The following KCNT1 variants were observed in gnomAD, a reference collection of about 807,000 sequenced individuals.
KCNT1 encodes potassium sodium-activated channel subfamily T member 1.
KCNT1 carries 78 observed loss-of-function variants against 147.8 expected under a neutral mutation model. The observed-to-expected ratio is 0.53, with a 90% CI of 0.44 to 0.64. The LOEUF is 0.64. KCNT1 is among the 30% of genes least tolerant of loss of function. The pLI is 0.00. For synonymous variants in KCNT1, 867 were observed against 748.8 expected, an observed-to-expected ratio of 1.16 and a Z score of -2.58; for missense variants, 1,419 against 1,750.3, an observed-to-expected ratio of 0.81 and a Z score of 3.38.
chr9:135,788,216 T>C, intron 29 of KCNT1: 1 of 1,443,524 alleles, frequency 6.9e-7, no homozygotes, highest in Non-Finnish European at 9.7e-7. Context: ...CGCCAACCCT[T>C]CACCGCCGGC....
At position 135,752,261 on chromosome 9, in the gene KCNT1, T is replaced by C; in HGVS notation, c.434+1220T>C. 2.3e-6 allele frequency: 1 copy of C among 429,908 alleles called. No homozygotes were observed. The allele number at this position is 429,908 out of a possible 1,614,324, so 26.6% of individuals were successfully genotyped here. On this transcript the variant is annotated intron_variant, in intron 4 of 30. Transcript: ENST00000371757. This position sits in a 1 kb window ranked among gnomAD's most constrained non-coding sequence, Gnocchi z 5.1. ...CCTGGCTTCTGGGGACCTAAAGGCG[T>C]CCATGTAAACTTTTGCTCAATCCCC...
intron 29 of KCNT1, among the ~76,000 whole-genome samples, chr9:135,786,730 C>T (rs1834084053): frequency 6.6e-6 from 1 of 152,250 alleles, no homozygotes; most frequent in African/African-American, 2.4e-5. Context: ...AGGCCCCGTG[C>T]AGAGGAGGGA....
chr9:135,757,393 C>CG lies in KCNT1; in HGVS notation c.759+18dup, dbSNP rs758922969. 2 of 1,603,426 alleles carry CG rather than the reference C, an allele frequency of 1.2e-6. No individual in the cohort carries two copies. Among genetic ancestry groups the CG allele is most frequent in the Non-Finnish European group, 1.7e-6 (2 of 1,178,226 alleles). On this transcript the variant is annotated intron_variant, in intron 9 of 30. Transcript: ENST00000371757. ...TGGAAAACATGATTGTAAGCCGGGG[C>CG]GGGGGGTGCAGCTGGGACTTGGGGG... is the stretch of plus-strand genomic sequence containing the variant.
At chr9:135,748,195 A>C (rs974268003) in intron 2 of KCNT1, among the ~76,000 whole-genome samples, 4 of 151,934 alleles carry the variant, frequency 2.6e-5, no homozygotes, top group Non-Finnish European at 5.9e-5. Flanking sequence ...CTGCCTCCCA[A>C]GTTCCTGGGA....
chr9:135,704,629 G>A (rs1015939823), intron 1 of KCNT1, among the ~76,000 whole-genome samples: 3 of 152,162 alleles, frequency 2.0e-5, no homozygotes, highest in East Asian at 1.9e-4. Flanking sequence ...AGCGCACTTC[G>A]CATCAGAGCC....
intron 2 of KCNT1, among the ~76,000 whole-genome samples, chr9:135,732,026 A>AGAGG (rs1554766192): frequency 1.5e-5 from 2 of 131,742 alleles, no homozygotes; most frequent in East Asian, 2.3e-4. Context: ...AGAGAGAGAG[A>AGAGG]GAGAGAGAGA....
rs142114198 is a variant in KCNT1 at position 135,783,988 on chromosome 9, G to A, written c.2842-36G>A. ...GCTGCCGTGCCACTGGAGGGACCTCGGCACCAGCCCATCTGAGGCCCCTCC... is the reference window on the plus strand; with the variant it reads ...GCTGCCGTGCCACTGGAGGGACCTCAGCACCAGCCCATCTGAGGCCCCTCC... On this transcript the variant is annotated intron_variant, in intron 24 of 30. Coordinates refer to ENST00000371757, the MANE Select transcript of KCNT1 (RefSeq NM_020822.3). 7.4e-4 allele frequency: 1,154 copies of A among 1,561,854 alleles called. 10 individuals are homozygous for A. In the African/African-American group the frequency reaches 0.013, roughly 17 times the overall value.
Position 135,757,204 on chromosome 9 carries a change from A to G in KCNT1, c.649A>G (p.Ile217Val), listed in dbSNP as rs774916717. The G allele has an allele frequency of 6.2e-7, 1 of 1,607,284 alleles. No homozygotes were observed. The highest frequency in any genetic ancestry group is 8.5e-7 in the Non-Finnish European group (1 of 1,178,272). The part of the protein sequence containing the change: ...IFRVSFVLEM[I>V]NTLPFIITIF... ...CCGCGTGTCCTTCGTCCTGGAGATG[A>G]TCAACACTCTGCCCTTCATCATCAC... The change falls in exon 8 of 31, where the codon ATC becomes GTC. Residue 217 changes from isoleucine (I) to valine (V), a missense_variant. Ile to Val is a conservative substitution (Grantham distance 29). Coordinates refer to ENST00000371757, the MANE Select transcript of KCNT1 (RefSeq NM_020822.3).
chr9:135,712,848 G>A (rs552215467), intron 1 of KCNT1, among the ~76,000 whole-genome samples: 16 of 152,364 alleles, frequency 1.1e-4, no homozygotes, highest in East Asian at 7.7e-4. Context: ...GCTTATGGCC[G>A]TGTGCTCGCT....
chr9:135,786,259 C>T lies in KCNT1; in HGVS notation c.3240C>T (p.Gly1080=), dbSNP rs766038759. ...EDTREVKGPW[G]SRAGTGGSSQ... Reference sequence around the variant, plus strand: ...CACGGGAAGTGAAGGGGCCCTGGGGCTCCCGCGCTGGCACCGGAGGCAGCT... The same window carrying T: ...CACGGGAAGTGAAGGGGCCCTGGGGTTCCCGCGCTGGCACCGGAGGCAGCT... Residue 1080 remains glycine, a synonymous_variant, in exon 29 of 31, where the codon GGC becomes GGT. Coordinates refer to ENST00000371757, the MANE Select transcript of KCNT1 (RefSeq NM_020822.3). 7 of 1,610,956 alleles carry T rather than the reference C, an allele frequency of 4.3e-6. No individual in the cohort carries two copies. Among genetic ancestry groups the T allele is most frequent in the Non-Finnish European group, 5.9e-6 (7 of 1,179,404 alleles).
Position 135,770,449 on chromosome 9 carries a change from T to G in KCNT1, c.1769+2T>G, listed in dbSNP as rs1832675513. ...CGCGGCCTTCCACGCCCACAAGAAGTAAGGCCGGGCTGCATCCACAGGGCT... is the reference window on the plus strand; with the variant it reads ...CGCGGCCTTCCACGCCCACAAGAAGGAAGGCCGGGCTGCATCCACAGGGCT... On this transcript the variant is annotated splice_donor_variant, in intron 17 of 30. Coordinates refer to ENST00000371757, the MANE Select transcript of KCNT1 (RefSeq NM_020822.3). LOFTEE classifies it high-confidence loss of function. The G allele has an allele frequency of 6.2e-7, 1 of 1,609,348 alleles. No homozygotes were observed. The highest frequency in any genetic ancestry group is 8.5e-7 in the Non-Finnish European group (1 of 1,177,856).
rs936883024 is a variant in KCNT1 at position 135,771,852 on chromosome 9, G to C, written c.2008+757G>C. Among the ~76,000 whole-genome samples the C allele has an allele frequency of 1.5e-3, 223 of 152,322 alleles. 3 individuals are homozygous for C. The highest frequency in any genetic ancestry group is 0.015 in the Admixed American group (223 of 15,304). On this transcript the variant is annotated intron_variant, in intron 18 of 30. Transcript: ENST00000371757. ...CACTCAGGCCACAGACCCACAGCCG[G>C]GCCAGCATGTTGCCACCTCCGTACA...
intron 4 of KCNT1, among the ~76,000 whole-genome samples, 198 bp downstream of exon 4, chr9:135,751,239 G>C (rs1008158888): frequency 2.6e-5 from 4 of 152,042 alleles, no homozygotes; most frequent in Admixed American, 2.0e-4. Context: ...ACGGCTCAGC[G>C]TAGGGAGAAG....
intron 2 of KCNT1, among the ~76,000 whole-genome samples, chr9:135,732,266 G>T (rs1048465209): frequency 6.6e-6 from 1 of 151,910 alleles, no homozygotes; most frequent in Non-Finnish European, 1.5e-5. Flanking sequence ...TGATCTGCCC[G>T]CCTCAGCCTC....
intron 2 of KCNT1, among the ~76,000 whole-genome samples, chr9:135,728,216 C>A (rs1317018765): frequency 6.6e-6 from 1 of 152,224 alleles, no homozygotes; most frequent in African/African-American, 2.4e-5. Flanking sequence ...CCTTGTGACA[C>A]TGGACTTCAG....
At chr9:135,775,190 C>A in intron 19 of KCNT1, 120 bp from the exon 20 acceptor site, 1 of 656,646 alleles carries the variant, frequency 1.5e-6, no homozygotes, top group Non-Finnish European at 2.6e-6. Flanking sequence ...GTGCGTGACC[C>A]CGAGCAACGT....
At position 135,770,457 on chromosome 9, in the gene KCNT1, G is replaced by C; in HGVS notation, c.1769+10G>C. ...TCCACGCCCACAAGAAGTAAGGCCGGGCTGCATCCACAGGGCTGGCGCTCC... is the reference window on the plus strand; with the variant it reads ...TCCACGCCCACAAGAAGTAAGGCCGCGCTGCATCCACAGGGCTGGCGCTCC... On this transcript the variant is annotated intron_variant, in intron 17 of 30. Transcript: ENST00000371757. The C allele has an allele frequency of 6.2e-7, 1 of 1,606,806 alleles. No homozygotes were observed. The highest frequency in any genetic ancestry group is 8.5e-7 in the Non-Finnish European group (1 of 1,176,536).
At chr9:135,784,488 T>TCCCCCCCCCCCCCCCCCCCCCCCC in intron 25 of KCNT1, 47 bp from the exon 26 acceptor site, 1 of 85,992 alleles carries the variant, frequency 1.2e-5, no homozygotes, top group Non-Finnish European at 2.2e-5. Flanking sequence ...TGTGGCTCCC[T>TCCCCCCCCCCCCCCCCCCCCCCCC]CCCTCCCTCC....
chr9:135,737,300 G>A (rs1193141914), intron 2 of KCNT1, among the ~76,000 whole-genome samples: 2 of 152,162 alleles, frequency 1.3e-5, no homozygotes, highest in Non-Finnish European at 2.9e-5. Flanking sequence ...GCAGGTGGCC[G>A]TCCTCTGGGG....
Sources: allele counts gnomAD v4.1 joint callset (sites outside exome capture counted in the v4.1 genomes callset), GRCh38; gene constraint gnomAD v4.1.1; non-coding constraint Gnocchi (gnomAD v3.1); transcripts MANE v1.5; gene names NCBI Gene and HGNC (gene_info 2026-07-23, HGNC 2026-07-21).